GCSH: variants seen among roughly 807,000 people sequenced by gnomAD.
The protein encoded by GCSH is glycine cleavage system protein H.
A neutral mutation model predicts 21.3 loss-of-function variants in GCSH; 15 were observed. The observed-to-expected ratio is 0.70, with a 90% CI of 0.47 to 1.08. The LOEUF is 1.08. Ranked by LOEUF, GCSH falls within the 50% of genes least tolerant of loss-of-function variation. The pLI, the probability that GCSH is intolerant of heterozygous loss-of-function variation, is 0.00. For synonymous variants in GCSH, 59 were observed against 84.5 expected, an observed-to-expected ratio of 0.70 and a Z score of 1.66; for missense variants, 179 against 217.5, an observed-to-expected ratio of 0.82 and a Z score of 1.11.
chr16:81,091,705 G>A (rs1023841081), intron 1 of GCSH, among the ~76,000 whole-genome samples: 4 of 152,150 alleles, frequency 2.6e-5, no homozygotes, highest in African/African-American at 7.2e-5. Flanking sequence ...CCAAAGGATA[G>A]TAGTACTTAA....
chr16:81,091,280 C>G (rs1972392287), intron 1 of GCSH: 1 of 355,644 alleles, frequency 2.8e-6, no homozygotes, highest in South Asian at 2.2e-5. Flanking sequence ...AAATTCAAGC[C>G]TAACCTTGAA....
chr16:81,095,793 G>C (rs1448246440), intron 1 of GCSH, among the ~76,000 whole-genome samples: 2 of 152,112 alleles, frequency 1.3e-5, no homozygotes, highest in Non-Finnish European at 2.9e-5. Flanking sequence ...TAAGGCCACC[G>C]AGACGCTTAA....
Position 81,087,661 on chromosome 16 carries a change from C to T in GCSH, c.232G>A (p.Ala78Thr). Residue 78 changes from alanine to threonine, a missense_variant, in exon 3 of 5, where the codon GCG becomes ACG. Physicochemically the swap from Ala to Thr is moderately conservative, Grantham distance 58. Transcript: ENST00000315467. Reference sequence around the variant, plus strand: ...CTACAATAAACAACATCTCCCAACGCTTCCTAAATAAAACAAGACAAAACC... The same window carrying T: ...CTACAATAAACAACATCTCCCAACGTTTCCTAAATAAAACAAGACAAAACC... The part of the protein sequence containing the change: ...TVGISNFAQE[A>T]LGDVVYCSLP... 1 of 1,610,942 alleles carries T rather than the reference C, an allele frequency of 6.2e-7. No individual in the cohort carries two copies. The highest frequency in any genetic ancestry group is 8.5e-7 in the Non-Finnish European group (1 of 1,177,446).
intron 1 of GCSH, among the ~76,000 whole-genome samples, chr16:81,094,128 G>T (rs948241131): frequency 6.6e-6 from 1 of 152,010 alleles, no homozygotes; most frequent in Admixed American, 6.6e-5. Context: ...TTGAACTCCT[G>T]ACCTCAGGTG....
intron 2 of GCSH, 42 bp downstream of exon 2, chr16:81,090,559 G>C: frequency 7.7e-7 from 1 of 1,295,820 alleles, no homozygotes; most frequent in Non-Finnish European, 1.1e-6. Flanking sequence ...AGCAAATCAT[G>C]CAAGAGCACA....
chr16:81,091,696 C>G (rs1597169196), intron 1 of GCSH, among the ~76,000 whole-genome samples: 2 of 152,224 alleles, frequency 1.3e-5, no homozygotes, highest in East Asian at 3.9e-4. Flanking sequence ...ACCCCTTACC[C>G]AAAGGATAGT....
chr16:81,096,041 G>C (rs8177848), intron 1 of GCSH, 90 bp downstream of exon 1: 102 of 1,095,432 alleles, frequency 9.3e-5, no homozygotes, highest in Non-Finnish European at 1.1e-4. Flanking sequence ...GCTCAGGAGC[G>C]GTGCCCCGGC....
rs767327942 is a variant in GCSH at position 81,082,752 on chromosome 16, T to C, written c.*114A>G. The C allele has an allele frequency of 3.1e-5, 20 of 643,010 alleles. No homozygotes were observed. In the South Asian group the frequency reaches 3.4e-4, roughly 11 times the overall value. 39.8% of individuals were successfully genotyped at this position (643,010 alleles called of 1,614,324 possible). A position where few individuals can be genotyped will look rare whatever the true frequency, so the allele number is the denominator to read the frequency against. On this transcript the variant is annotated 3_prime_UTR_variant, in exon 5 of 5. Transcript: ENST00000315467. ...TTAGCAGTGTTAACAGTAGTTTTTTTTTCCCCATCGGTAATACTAAAAGTT... is the reference window on the plus strand; with the variant it reads ...TTAGCAGTGTTAACAGTAGTTTTTTCTTCCCCATCGGTAATACTAAAAGTT...
intron 2 of GCSH, among the ~76,000 whole-genome samples, chr16:81,088,173 C>G (rs1033913221): frequency 2.0e-5 from 3 of 152,108 alleles, no homozygotes; most frequent in African/African-American, 7.2e-5. Context: ...CCTGTAATCC[C>G]AGCTCTTAGG....
chr16:81,086,523 T>C (rs953774005), intron 3 of GCSH, among the ~76,000 whole-genome samples: 7 of 151,904 alleles, frequency 4.6e-5, no homozygotes, highest in East Asian at 1.9e-4. Context: ...CACCATCGCA[T>C]TCCAGCCTGG....
chr16:81,094,790 A>T (rs117310590), intron 1 of GCSH, among the ~76,000 whole-genome samples: 9,866 of 152,250 alleles, frequency 0.065, 314 homozygotes, highest in Non-Finnish European at 0.074. Context: ...AGTGTATCAA[A>T]CATTTGGGCG....
chr16:81,091,866 A>G (rs1972405833), intron 1 of GCSH, among the ~76,000 whole-genome samples: 1 of 152,056 alleles, frequency 6.6e-6, no homozygotes, highest in Non-Finnish European at 1.5e-5. Context: ...TGATCCTCCC[A>G]CCTCAACCTC....
intron 3 of GCSH, 34 bp downstream of exon 3, chr16:81,087,567 G>C (rs1260918160): frequency 7.1e-7 from 1 of 1,406,546 alleles, no homozygotes; most frequent in African/African-American, 1.4e-5. Flanking sequence ...AAAATTCATG[G>C]CATGGATCAT....
intron 3 of GCSH, among the ~76,000 whole-genome samples, chr16:81,085,038 C>G (rs1179003656): frequency 1.3e-5 from 1 of 74,712 alleles, no homozygotes; most frequent in Admixed American, 2.0e-4. Context: ...TTTTTTGAGA[C>G]GGAGTCTCGC....
chr16:81,082,042 T>C lies in GCSH; in HGVS notation c.*824A>G, dbSNP rs756346025. The C allele has an allele frequency of 3.3e-4, 150 of 454,038 alleles. 3 individuals are homozygous for C. Among genetic ancestry groups the C allele is most frequent in the South Asian group, 2.2e-3 (141 of 64,484 alleles). The allele number at this position is 454,038 out of a possible 1,614,324, so 28.1% of individuals were successfully genotyped here. On this transcript the variant is annotated 3_prime_UTR_variant, in exon 5 of 5. Transcript: ENST00000315467. Reference sequence around the variant, plus strand: ...AACAACTTAAAAACACCATGTGCTATACTGATCAAAACTTCCACCTTCCTC... The same window carrying C: ...AACAACTTAAAAACACCATGTGCTACACTGATCAAAACTTCCACCTTCCTC...
Position 81,087,693 on chromosome 16 carries a change from C to T in GCSH, c.229-29G>A, listed in dbSNP as rs371735359. On this transcript the variant is annotated intron_variant, in intron 2 of 4. Transcript: ENST00000315467. ...AATAAAACAAGACAAAACCAAAAAT[C>T]TCTAAGAAGTTATAACTAAACCCTC... 4.6e-6 allele frequency: 7 copies of T among 1,525,880 alleles called. No individual in the cohort carries two copies. In the African/African-American group the frequency reaches 8.3e-5, roughly 18 times the overall value. 94.5% of individuals were successfully genotyped at this position (1,525,880 alleles called of 1,614,324 possible). A position where few individuals can be genotyped will look rare whatever the true frequency, so the allele number is the denominator to read the frequency against.
In GCSH at chr16:81,083,335, T is replaced by C. The variant is rs1033359263; in HGVS notation, c.425-372A>G. 18 of 262,774 alleles carry C rather than the reference T, an allele frequency of 6.8e-5. No individual in the cohort carries two copies. The East Asian group carries it at 1.6e-3, about 23-fold the overall frequency. The allele number at this position is 262,774 out of a possible 1,614,324, so 16.3% of individuals were successfully genotyped here. A position where few individuals can be genotyped will look rare whatever the true frequency, so the allele number is the denominator to read the frequency against. On this transcript the variant is annotated intron_variant, in intron 4 of 4. Coordinates refer to ENST00000315467, the MANE Select transcript of GCSH (RefSeq NM_004483.5). Reference sequence around the variant, plus strand: ...GAGCTCTAGACCAGCCTGGCCAACATAGTGGAACCCCATCTCTACCAAAAC... The same window carrying C: ...GAGCTCTAGACCAGCCTGGCCAACACAGTGGAACCCCATCTCTACCAAAAC...
intron 2 of GCSH, among the ~76,000 whole-genome samples, chr16:81,088,695 C>G (rs1209451137): frequency 6.6e-6 from 1 of 152,162 alleles, no homozygotes; most frequent in Non-Finnish European, 1.5e-5. Flanking sequence ...GCCACTGCGC[C>G]CGGCAAACAC....
chr16:81,094,994 G>T (rs1972472321), intron 1 of GCSH, among the ~76,000 whole-genome samples: 1 of 151,942 alleles, frequency 6.6e-6, no homozygotes, highest in African/African-American at 2.4e-5. Context: ...TCGGGAGGCT[G>T]AGGCAAGAGA....
Sources: allele counts gnomAD v4.1 joint callset (sites outside exome capture counted in the v4.1 genomes callset), GRCh38; gene constraint gnomAD v4.1.1; transcripts MANE v1.5; gene names NCBI Gene and HGNC (gene_info 2026-07-23, HGNC 2026-07-21).